Variants in ZBTB4 observed in about 807,000 individuals in gnomAD.
ZBTB4 encodes the protein zinc finger and BTB domain containing 4, also known as zinc finger and BTB domain-containing protein 4.
A neutral mutation model predicts 59.8 loss-of-function variants in ZBTB4; 14 were observed. That is an observed-to-expected ratio of 0.23 (90% CI 0.15 to 0.37). ZBTB4 has a LOEUF of 0.37. Among genes scored for constraint, ZBTB4 ranks in the 10% least tolerant of loss-of-function variants. The pLI is 1.00. For synonymous variants in ZBTB4, 587 were observed against 575.2 expected (o/e 1.02, Z -0.29); for missense variants, 1,198 against 1,380.8 (o/e 0.87, Z 2.10).
At chr17:7,475,389 C>T (rs1348959944) in intron 1 of ZBTB4, among the ~76,000 whole-genome samples, 2 of 152,068 alleles carry the variant, frequency 1.3e-5, no homozygotes, top group African/African-American at 2.4e-5. Context: ...CTCTGGAGTC[C>T]TCACAATTTG....
upstream of ZBTB4, chr17:7,483,623 T>C (rs1406453403): frequency 6.3e-6 from 1 of 157,698 alleles, no homozygotes; most frequent in Non-Finnish European, 1.4e-5. Flanking sequence ...GTGGAGGATT[T>C]CCTAATGTTC....
At chr17:7,464,909 C>T (rs1351951889) in intron 3 of ZBTB4, among the ~76,000 whole-genome samples, 1 of 150,538 alleles carries the variant, frequency 6.6e-6, no homozygotes, top group Non-Finnish European at 1.5e-5. Flanking sequence ...GTAATCTCAG[C>T]ACTTTGGGAG....
Position 7,462,433 on chromosome 17 carries a change from G to A in ZBTB4, c.2549C>T (p.Pro850Leu), listed in dbSNP as rs2150848680. Residue 850 changes from proline (P) to leucine (L), a missense_variant, in exon 4 of 4, where the codon CCT becomes CTT. Physicochemically the swap from Pro to Leu is moderately conservative, Grantham distance 98 (BLOSUM62 -3). This residue lies in a region of ZBTB4 where 211 missense variants were observed against 236.1 expected (regional missense o/e 0.89). Coordinates refer to ENST00000380599, the MANE Select transcript of ZBTB4 (RefSeq NM_001128833.2). This position sits in a 1 kb window ranked among gnomAD's most constrained non-coding sequence, Gnocchi z 7.5. ...EASETASLQD[P>L]IISGGEEPPV... ...GGGCTCCTCACCCCCTGAAATGATA[G>A]GGTCCTGGAGTGAGGCGGTCTCGGA... 2 of 1,613,928 alleles carry A rather than the reference G, an allele frequency of 1.2e-6. No individual in the cohort carries two copies. The highest frequency in any genetic ancestry group is 1.7e-6 in the Non-Finnish European group (2 of 1,180,002).
chr17:7,481,176 A>AG (rs2070340450), upstream of ZBTB4, among the ~76,000 whole-genome samples: 1 of 150,872 alleles, frequency 6.6e-6, no homozygotes, highest in Non-Finnish European at 1.5e-5. Flanking sequence ...AAAAAAAAAA[A>AG]AAAATTAGCC....
Position 7,466,439 on chromosome 17 carries a change from G to A in ZBTB4, c.363C>T (p.Ser121=), listed in dbSNP as rs779198720. The change falls in exon 3 of 4, where the codon TCC becomes TCT. Residue 121 remains serine, a synonymous_variant. Transcript: ENST00000380599. This position sits in a 1 kb window ranked among gnomAD's most constrained non-coding sequence, Gnocchi z 9.1. ...CTGGCAACTCCAGGACCCGGGGTGG[G>A]GAAGAAGCAGGGGGAGAGGCTGGAG... ...SPPPASPPAS[S]PPRVLELPGV... 1.9e-6 allele frequency: 3 copies of A among 1,613,492 alleles called. No individual in the cohort carries two copies. Among genetic ancestry groups the A allele is most frequent in the South Asian group, 1.1e-5 (1 of 90,940 alleles).
intron 1 of ZBTB4, among the ~76,000 whole-genome samples, chr17:7,474,458 A>G (rs1444975854): frequency 2.0e-5 from 3 of 152,054 alleles, no homozygotes; most frequent in Admixed American, 6.6e-5. Context: ...GGATCAAGCA[A>G]TTCACCGCCT....
chr17:7,484,152 A>C (rs1166734591), upstream of ZBTB4: 1 of 152,932 alleles, frequency 6.5e-6, no homozygotes, highest in Admixed American at 6.5e-5. Flanking sequence ...AAAAGGGAGC[A>C]GCGAGGAGAG....
intron 1 of ZBTB4, among the ~76,000 whole-genome samples, 195 bp downstream of exon 1, chr17:7,479,261 G>T (rs1322117545): frequency 6.6e-6 from 1 of 151,708 alleles, no homozygotes; most frequent in Non-Finnish European, 1.5e-5. Context: ...CCCCTTAGTC[G>T]CCCCCCAGCG....
rs780863122 is a variant in ZBTB4, at chr17:7,463,228, G to A, written c.1754C>T (p.Pro585Leu). ...AGAGGGGCCCCGGCCAGCCCCTGTG[G>A]GGGGACCCCCACCTCCACCAATCCC... ...VGGIGGGGGPPTGAGRGPSQL... is the reference protein window; with the variant it reads ...VGGIGGGGGPLTGAGRGPSQL... Residue 585 changes from proline to leucine, a missense_variant, in exon 4 of 4, where the codon CCC becomes CTC. Physicochemically the swap from Pro to Leu is moderately conservative, Grantham distance 98. This residue lies in a region of ZBTB4 where 550 missense variants were observed against 541.8 expected (regional missense o/e 1.02). Coordinates refer to ENST00000380599, the MANE Select transcript of ZBTB4 (RefSeq NM_001128833.2). 6.2e-7 allele frequency: 1 copy of A among 1,610,858 alleles called. No homozygotes were observed.
Position 7,465,722 on chromosome 17 carries a change from C to T in ZBTB4, c.1080G>A (p.Thr360=), listed in dbSNP as rs778772638. The stretch of plus-strand genomic sequence containing the variant: ...CCTGGATCACTCACCTGCGCTCCCC[C>T]GTGTGCCACACTTCATGCTTCGTGC... The part of the protein sequence containing the change: ...EYRTKHEVWH[T]GERRYQCIFC... The change falls in exon 3 of 4, where the codon ACG becomes ACA. Residue 360 remains threonine (T), a synonymous_variant. Coordinates refer to ENST00000380599, the MANE Select transcript of ZBTB4 (RefSeq NM_001128833.2). 1.2e-5 allele frequency: 20 copies of T among 1,603,860 alleles called. No individual in the cohort carries two copies. Among genetic ancestry groups the T allele is most frequent in the African/African-American group, 5.3e-5 (4 of 74,810 alleles).
Position 7,466,692 on chromosome 17 carries a change from C to T in ZBTB4, c.110G>A (p.Gly37Glu). ...GCGGTGAGCAGGGAACTTGGTGTCT[C>T]CGGCTATGAGGGTGACGTCACAGAA... ...GLFCDVTLIA[G>E]DTKFPAHRSV... Residue 37 changes from glycine (G) to glutamate (E), a missense_variant, in exon 3 of 4, where the codon GGA becomes GAA. By Grantham distance (98) the Gly-to-Glu change is moderately conservative. This residue lies in a region of ZBTB4 where 44 missense variants were observed against 86.2 expected (regional missense o/e 0.51). Transcript: ENST00000380599. The surrounding 1 kb of genome is among the most constrained non-coding windows in gnomAD (Gnocchi z 9.1). The T allele has an allele frequency of 6.2e-7, 1 of 1,610,728 alleles. No individual in the cohort carries two copies. The highest frequency in any genetic ancestry group is 8.5e-7 in the Non-Finnish European group (1 of 1,178,940).
At position 7,461,710 on chromosome 17, in the gene ZBTB4, A is replaced by T. The variant is rs2070022749; in HGVS notation, c.*230T>A. On this transcript the variant is annotated 3_prime_UTR_variant, in exon 4 of 4. Coordinates refer to ENST00000380599, the MANE Select transcript of ZBTB4 (RefSeq NM_001128833.2). ...TGGAAGCTGGCCCTGCCCCTCATGG[A>T]GGCCATTCCCTGGAGGAAGACTGAG... The T allele has an allele frequency of 4.7e-6, 2 of 428,720 alleles. No individual in the cohort carries two copies. The allele number at this position is 428,720 out of a possible 1,614,324, so 26.6% of individuals were successfully genotyped here.
Position 7,463,586 on chromosome 17 carries a change from C to G in ZBTB4, c.1396G>C (p.Gly466Arg), listed in dbSNP as rs752818246. The change falls in exon 4 of 4, where the codon GGC (glycine) becomes CGC (arginine). Residue 466 changes from glycine (G) to arginine (R), a missense_variant. Transcript: ENST00000380599. ...PPGPPPAPEP[G>R]PPPSVITFAH... Reference sequence around the variant, plus strand: ...AAAGTGATGACAGAGGGTGGAGGGCCAGGCTCTGGGGCAGGTGGAGGCCCA... The same window carrying G: ...AAAGTGATGACAGAGGGTGGAGGGCGAGGCTCTGGGGCAGGTGGAGGCCCA... 1.9e-6 allele frequency: 3 copies of G among 1,597,372 alleles called. No homozygotes were observed. In the Admixed American group the frequency reaches 5.2e-5, roughly 28 times the overall value.
At chr17:7,478,957 G>A (rs1346015579) in intron 1 of ZBTB4, among the ~76,000 whole-genome samples, 2 of 152,120 alleles carry the variant, frequency 1.3e-5, no homozygotes, top group South Asian at 2.1e-4. Flanking sequence ...CCGACGGCGC[G>A]GCGGTTCCGG....
chr17:7,477,076 G>A (rs1474953345), intron 1 of ZBTB4, among the ~76,000 whole-genome samples: 1 of 152,194 alleles, frequency 6.6e-6, no homozygotes, highest in Non-Finnish European at 1.5e-5. Flanking sequence ...GTTGTTCTGA[G>A]GACAGAGTGG....
chr17:7,467,516 A>G (rs1217226810), intron 1 of ZBTB4, among the ~76,000 whole-genome samples, 189 bp from the exon 2 acceptor site: 3 of 152,218 alleles, frequency 2.0e-5, no homozygotes, highest in Non-Finnish European at 4.4e-5. Flanking sequence ...AGCTGTGTCC[A>G]GTCAAACCTG....
At chr17:7,480,039 G>C (rs1037567192), upstream of ZBTB4, among the ~76,000 whole-genome samples, 1 of 151,916 alleles carries the variant, frequency 6.6e-6, no homozygotes, top group Non-Finnish European at 1.5e-5. Context: ...ACCCAGGGTC[G>C]GCACACTCAA....
intron 1 of ZBTB4, among the ~76,000 whole-genome samples, chr17:7,477,765 G>A (rs914315253): frequency 6.6e-6 from 1 of 152,128 alleles, no homozygotes; most frequent in African/African-American, 2.4e-5. Context: ...AAAACTTCAC[G>A]TTTCTTTTTT....
upstream of ZBTB4, chr17:7,483,526 G>A (rs1182374848): frequency 5.3e-6 from 1 of 189,610 alleles, no homozygotes; most frequent in East Asian, 1.5e-4. Flanking sequence ...CTGCTTTGGA[G>A]GGAGAGTGGA....
Sources: allele counts gnomAD v4.1 joint callset (sites outside exome capture counted in the v4.1 genomes callset), GRCh38; gene constraint gnomAD v4.1.1; regional missense constraint gnomAD v4.1.1; non-coding constraint Gnocchi (gnomAD v3.1); transcripts MANE v1.5; gene names NCBI Gene and HGNC (gene_info 2026-07-23, HGNC 2026-07-21).